Variants in SFMBT2 observed in about 807,000 individuals in gnomAD.
SFMBT2 encodes the protein Scm like with four mbt domains 2.
In SFMBT2, 38 loss-of-function variants were observed where a neutral mutation model predicts 110.1. The observed-to-expected ratio is 0.35, with a 90% CI of 0.27 to 0.45. The LOEUF (loss-of-function observed/expected upper bound fraction) is 0.45, where lower values mean the gene tolerates loss of function less well. Among genes scored for constraint, SFMBT2 ranks in the 20% least tolerant of loss-of-function variants. The pLI is 1.00. For synonymous variants in SFMBT2, 425 were observed against 425.4 expected (o/e 1.00, Z 0.01); for missense variants, 1,011 against 1,094.9 (o/e 0.92, Z 1.08).
chr10:7,255,770 C>G (rs1446504144), intron 7 of SFMBT2, among the ~76,000 whole-genome samples: 2 of 152,184 alleles, frequency 1.3e-5, no homozygotes, highest in South Asian at 2.1e-4. Flanking sequence ...TGTAGTAACT[C>G]TGTGCTGAGA....
chr10:7,322,393 G>T (rs1177803722), intron 4 of SFMBT2, among the ~76,000 whole-genome samples: 2 of 152,150 alleles, frequency 1.3e-5, no homozygotes, highest in African/African-American at 4.8e-5. Flanking sequence ...CAGTATGAAA[G>T]TGGACTGACA....
intron 8 of SFMBT2, among the ~76,000 whole-genome samples, chr10:7,245,685 A>G (rs1011132649): frequency 6.6e-6 from 1 of 152,190 alleles, no homozygotes; most frequent in Admixed American, 6.5e-5. Context: ...TCTAATCAAT[A>G]CAACACACTT....
At chr10:7,312,645 T>A (rs997054521) in intron 4 of SFMBT2, among the ~76,000 whole-genome samples, 1 of 152,218 alleles carries the variant, frequency 6.6e-6, no homozygotes, top group Non-Finnish European at 1.5e-5. Context: ...ATCAGTAGAC[T>A]GCAACTGCCC....
At chr10:7,244,442 T>TA (rs1840541601) in intron 8 of SFMBT2, among the ~76,000 whole-genome samples, 1 of 152,298 alleles carries the variant, frequency 6.6e-6, no homozygotes, top group South Asian at 2.1e-4. Context: ...CATAAGTTAT[T>TA]AGAGGAGAGT....
At chr10:7,389,443 A>C (rs1262689866) in intron 1 of SFMBT2, among the ~76,000 whole-genome samples, 4 of 152,242 alleles carry the variant, frequency 2.6e-5, no homozygotes, top group Non-Finnish European at 4.4e-5. Flanking sequence ...CTATTAATTA[A>C]AGTAACAGTT....
chr10:7,354,700 G>A (rs1245116549), intron 4 of SFMBT2, among the ~76,000 whole-genome samples: 3 of 152,200 alleles, frequency 2.0e-5, no homozygotes, highest in East Asian at 3.8e-4. Flanking sequence ...TGTAGCTCAC[G>A]TAGCACATGT....
intron 4 of SFMBT2, among the ~76,000 whole-genome samples, chr10:7,357,551 A>G (rs1844560897): frequency 6.6e-6 from 1 of 152,194 alleles, no homozygotes; most frequent in South Asian, 2.1e-4. Flanking sequence ...GATCTTCCCC[A>G]TCAGATTTTG....
intron 4 of SFMBT2, among the ~76,000 whole-genome samples, chr10:7,310,433 G>C (rs1195521264): frequency 2.0e-5 from 3 of 152,176 alleles, no homozygotes; most frequent in Non-Finnish European, 4.4e-5. Context: ...GGTGAACTTT[G>C]TTTCTGTCCT....
At chr10:7,401,389 A>G (rs1846078935) in intron 1 of SFMBT2, among the ~76,000 whole-genome samples, 1 of 152,212 alleles carries the variant, frequency 6.6e-6, no homozygotes, top group Admixed American at 6.5e-5. Context: ...AACAGGATTC[A>G]ACCCACAGCT....
At chr10:7,319,252 G>A (rs1564437752) in intron 4 of SFMBT2, among the ~76,000 whole-genome samples, 1 of 152,330 alleles carries the variant, frequency 6.6e-6, no homozygotes, top group East Asian at 1.9e-4. Context: ...TACAGAGCTA[G>A]GAACTGTGCA....
chr10:7,277,347 C>T (rs1241095595), intron 6 of SFMBT2: 7 of 231,860 alleles, frequency 3.0e-5, no homozygotes, highest in Non-Finnish European at 5.0e-5. Context: ...GAAAGCAATG[C>T]CCACTGATGA....
At chr10:7,308,191 T>C (rs1458825782) in intron 4 of SFMBT2, among the ~76,000 whole-genome samples, 3 of 152,054 alleles carry the variant, frequency 2.0e-5, no homozygotes, top group Non-Finnish European at 4.4e-5. Flanking sequence ...TCCATCTCTA[T>C]AAAAACATTT....
intron 4 of SFMBT2, among the ~76,000 whole-genome samples, chr10:7,326,563 C>T (rs532954679): frequency 2.0e-5 from 3 of 152,312 alleles, no homozygotes; most frequent in East Asian, 1.9e-4. Flanking sequence ...ACCCACAACA[C>T]GTCTGGCATC....
In SFMBT2 at chr10:7,197,828, C is replaced by T. The variant is rs144612512; in HGVS notation, c.1559-141G>A. 178 of 1,269,894 alleles carry T rather than the reference C, an allele frequency of 1.4e-4. No homozygotes were observed. The East Asian group carries it at 2.7e-3, about 20-fold the overall frequency. The allele number at this position is 1,269,894 out of a possible 1,614,324, so 78.7% of individuals were successfully genotyped here. On this transcript the variant is annotated intron_variant, in intron 14 of 20. Coordinates refer to ENST00000397167, the MANE Select transcript of SFMBT2 (RefSeq NM_001387889.1). The stretch of plus-strand genomic sequence containing the variant: ...AGGTCTTGGCTGATGGGGAGTCAGG[C>T]GTAATAAAAGCAATGGAACCCAAAA...
chr10:7,222,975 C>T (rs995475974), intron 10 of SFMBT2, among the ~76,000 whole-genome samples: 65 of 152,190 alleles, frequency 4.3e-4, no homozygotes, highest in African/African-American at 1.2e-3. Flanking sequence ...CTTATAAGGA[C>T]GCCAGTCACA....
In SFMBT2 at chr10:7,381,900, CCTGATGAGCAAGTGTCT is replaced by C; in HGVS notation, c.-19_-3del. ...GGAAGCTGACAAAGTGCTCTCCATG[CCTGATGAGCAAGTGTCT>C]CTTCTCTTAATTCATCCTGCAGAAA... On this transcript the variant is annotated 5_prime_UTR_variant, in exon 2 of 21. Transcript: ENST00000397167. The C allele has an allele frequency of 6.3e-7, 1 of 1,594,630 alleles. No homozygotes were observed. The highest frequency in any genetic ancestry group is 1.1e-5 in the South Asian group (1 of 87,582).
chr10:7,315,541 C>T (rs919443607), intron 4 of SFMBT2, among the ~76,000 whole-genome samples: 2 of 152,186 alleles, frequency 1.3e-5, no homozygotes, highest in African/African-American at 2.4e-5. Context: ...GGAAATTACA[C>T]CATCTTCCAC....
intron 7 of SFMBT2, among the ~76,000 whole-genome samples, chr10:7,266,153 G>C (rs1057195012): frequency 1.3e-5 from 2 of 151,614 alleles, no homozygotes; most frequent in Non-Finnish European, 2.9e-5. Context: ...GCAATAGCAT[G>C]ATCTCAGCTC....
intron 4 of SFMBT2, among the ~76,000 whole-genome samples, chr10:7,334,582 A>T (rs1461862433): frequency 6.6e-6 from 1 of 152,214 alleles, no homozygotes; most frequent in East Asian, 1.9e-4. Context: ...AGACCTTATA[A>T]GTGAGCTGCT....
Sources: gnomAD v4.1 joint callset for allele counts (sites outside exome capture counted in the v4.1 genomes callset) on GRCh38, gnomAD v4.1.1 for gene constraint, MANE v1.5 for transcripts, NCBI Gene and HGNC (gene_info 2026-07-23, HGNC 2026-07-21) for gene names.